The following NCOA1 variants were observed in gnomAD, a reference collection of about 807,000 sequenced individuals.
NCOA1 encodes the protein nuclear receptor coactivator 1.
Under a neutral mutation model 150.9 loss-of-function variants are expected in NCOA1, and 35 were observed. The observed-to-expected ratio is 0.23, with a 90% CI of 0.18 to 0.31. The LOEUF (loss-of-function observed/expected upper bound fraction) is 0.31, where lower values mean the gene tolerates loss of function less well. Ranked by LOEUF, NCOA1 falls within the 10% of genes least tolerant of loss-of-function variation. The pLI is 1.00. For synonymous variants in NCOA1, 590 were observed against 630.0 expected, an observed-to-expected ratio of 0.94 and a Z score of 0.95; for missense variants, 1,491 against 1,749.3, an observed-to-expected ratio of 0.85 and a Z score of 2.63.
chr2:24,525,692 A>G (rs1572383071), intron 1 of NCOA1, among the ~76,000 whole-genome samples: 1 of 151,794 alleles, frequency 6.6e-6, no homozygotes, highest in Non-Finnish European at 1.5e-5. Flanking sequence ...GATTATAGGC[A>G]TGCGTCACCA....
intron 19 of NCOA1, among the ~76,000 whole-genome samples, chr2:24,750,135 T>A (rs955870850): frequency 6.6e-6 from 1 of 151,906 alleles, no homozygotes; most frequent in Non-Finnish European, 1.5e-5. Context: ...CAATGGAAAC[T>A]ATCCAAAATG....
chr2:24,502,599 T>C (rs1469415995), intron 1 of NCOA1, among the ~76,000 whole-genome samples: 1 of 152,208 alleles, frequency 6.6e-6, no homozygotes, highest in East Asian at 1.9e-4. Context: ...TTTAAACCTT[T>C]CCAGTGTTTG....
chr2:24,513,133 T>C (rs79405303), intron 1 of NCOA1, among the ~76,000 whole-genome samples: 3,750 of 152,318 alleles, frequency 0.025, 49 homozygotes, highest in South Asian at 0.033. Flanking sequence ...ATTTCAAACA[T>C]GCAGAAAAGA....
intron 3 of NCOA1, among the ~76,000 whole-genome samples, chr2:24,622,372 C>A (rs1040064408): frequency 3.3e-5 from 5 of 152,190 alleles, no homozygotes; most frequent in African/African-American, 1.2e-4. Context: ...ATCTGTAGCA[C>A]TCTCCACCCT....
At chr2:24,755,319 G>A (rs1385601096) in intron 20 of NCOA1, among the ~76,000 whole-genome samples, 2 of 152,258 alleles carry the variant, frequency 1.3e-5, no homozygotes, top group African/African-American at 4.8e-5. Context: ...GAACTGGGTA[G>A]TGCTTCTGTG....
chr2:24,687,797 A>T (rs1207013236), intron 8 of NCOA1, among the ~76,000 whole-genome samples: 1 of 152,096 alleles, frequency 6.6e-6, no homozygotes, highest in East Asian at 1.9e-4. Context: ...ACATGTGGGG[A>T]TTACAGTTTG....
At position 24,770,465 on chromosome 2, in the gene NCOA1, T is replaced by C; in HGVS notation, c.*2074T>C. ...TTTTATAATTGCACTGTTTGTTTTA[T>C]GTATGTACAGATTAAAATTATTGCT... On this transcript the variant is annotated 3_prime_UTR_variant, in exon 23 of 23. Transcript: ENST00000348332. 8.8e-6 allele frequency: 2 copies of C among 226,088 alleles called. No homozygotes were observed. Among genetic ancestry groups the C allele is most frequent in the Non-Finnish European group, 1.8e-5 (2 of 113,302 alleles). 14.0% of individuals were successfully genotyped at this position (226,088 alleles called of 1,614,324 possible).
chr2:24,588,709 G>A (rs573387210), intron 3 of NCOA1, among the ~76,000 whole-genome samples: 53 of 152,276 alleles, frequency 3.5e-4, no homozygotes, highest in Middle Eastern at 3.4e-3. Flanking sequence ...CTGACCTCAG[G>A]TCTTTAGTAG....
chr2:24,683,429 G>GA (rs1672263500), intron 8 of NCOA1, among the ~76,000 whole-genome samples: 2 of 152,018 alleles, frequency 1.3e-5, no homozygotes, highest in African/African-American at 4.8e-5. Flanking sequence ...CCTGCTCACA[G>GA]AAAAAAGAAT....
chr2:24,698,204 A>G (rs1353812540), intron 11 of NCOA1, among the ~76,000 whole-genome samples: 2 of 145,304 alleles, frequency 1.4e-5, no homozygotes, highest in African/African-American at 2.5e-5. Flanking sequence ...TGATAGAACC[A>G]TAACCAAAGA....
intron 22 of NCOA1, among the ~76,000 whole-genome samples, chr2:24,765,896 C>CTTTTTTTTTTTTTTTTTTTT (rs773857143): frequency 1.6e-4 from 20 of 128,046 alleles, no homozygotes; most frequent in South Asian, 2.5e-4. Flanking sequence ...CAATAATACA[C>CTTTTTTTTTTTTTTTTTTTT]TTTTTTTTTT....
intron 1 of NCOA1, among the ~76,000 whole-genome samples, chr2:24,536,710 C>G (rs1450525594): frequency 6.6e-6 from 1 of 152,164 alleles, no homozygotes; most frequent in Non-Finnish European, 1.5e-5. Flanking sequence ...ACTCAGGTCC[C>G]TCAGCTGCAG....
intron 1 of NCOA1, among the ~76,000 whole-genome samples, chr2:24,515,854 A>G (rs958877684): frequency 1.3e-5 from 2 of 152,252 alleles, no homozygotes; most frequent in Non-Finnish European, 2.9e-5. Context: ...AACTTTATTC[A>G]GTTTTTTTCC....
At chr2:24,727,018 A>G (rs1182820257) in intron 15 of NCOA1, among the ~76,000 whole-genome samples, 1 of 151,390 alleles carries the variant, frequency 6.6e-6, no homozygotes, top group Non-Finnish European at 1.5e-5. Context: ...CGCAGCTGTA[A>G]TCCCAGCTAC....
At chr2:24,610,627 C>T (rs1166579026) in intron 3 of NCOA1, among the ~76,000 whole-genome samples, 1 of 151,564 alleles carries the variant, frequency 6.6e-6, no homozygotes, top group African/African-American at 2.4e-5. Flanking sequence ...TTTATTTGTT[C>T]CATCTTTTTC....
intron 4 of NCOA1, among the ~76,000 whole-genome samples, chr2:24,646,082 C>T (rs982170328): frequency 6.6e-6 from 1 of 152,042 alleles, no homozygotes; most frequent in Non-Finnish European, 1.5e-5. Flanking sequence ...GTGAGTGACT[C>T]TAAGAAAGTC....
chr2:24,702,059 G>T (rs568618222), intron 11 of NCOA1, among the ~76,000 whole-genome samples: 1 of 152,258 alleles, frequency 6.6e-6, no homozygotes, highest in South Asian at 2.1e-4. Flanking sequence ...AGGGTTTATG[G>T]TATTAAGTTT....
At chr2:24,690,651 C>CA (rs70947837) in intron 8 of NCOA1, among the ~76,000 whole-genome samples, 1,025 of 38,418 alleles carry the variant, frequency 0.027, 268 homozygotes, top group African/African-American at 0.063. Flanking sequence ...GATTCCATCT[C>CA]AAAAAAAAAA....
At chr2:24,741,612 T>C (rs991716028) in intron 18 of NCOA1, among the ~76,000 whole-genome samples, 172 bp from the exon 19 acceptor site, 3 of 152,244 alleles carry the variant, frequency 2.0e-5, no homozygotes, top group African/African-American at 7.2e-5. Flanking sequence ...TTTTTTCTCC[T>C]GTGATTGTTA....
Sources: gnomAD v4.1 joint callset for allele counts (sites outside exome capture counted in the v4.1 genomes callset) on GRCh38, gnomAD v4.1.1 for gene constraint, MANE v1.5 for transcripts, NCBI Gene and HGNC (gene_info 2026-07-23, HGNC 2026-07-21) for gene names.